Variants in TLR3 observed in about 807,000 individuals in gnomAD.
The protein encoded by TLR3 is toll-like receptor 3.
In TLR3, 43 loss-of-function variants were observed where a neutral mutation model predicts 66.4. The observed-to-expected ratio is 0.65, with a 90% CI of 0.51 to 0.83. TLR3 has a LOEUF of 0.83. TLR3 is among the 40% of genes least tolerant of loss of function. The probability of loss-of-function intolerance (pLI) is 0.00; values close to 1 mark genes in which losing one functional copy is unlikely to be tolerated. For synonymous variants in TLR3, 397 were observed against 397.2 expected, an observed-to-expected ratio of 1.00 and a Z score of 0.01; for missense variants, 982 against 1,044.6, an observed-to-expected ratio of 0.94 and a Z score of 0.83.
At position 186,083,046 on chromosome 4, in the gene TLR3, G is replaced by A; in HGVS notation, c.1360G>A (p.Gly454Ser). The A allele has an allele frequency of 6.2e-7, 1 of 1,614,126 alleles. No homozygotes were observed. Among genetic ancestry groups the A allele is most frequent in the South Asian group, 1.1e-5 (1 of 91,070 alleles). Reference protein sequence around the residue: ...GQELTGQEWRGLENIFEIYLS... With the variant: ...GQELTGQEWRSLENIFEIYLS... ...AGAACTCACAGGCCAGGAATGGAGA[G>A]GTCTAGAAAATATTTTCGAAATCTA... Residue 454 changes from glycine (G) to serine (S), a missense_variant, in exon 4 of 5, where the codon GGT becomes AGT. This residue lies in a region of TLR3 where 666 missense variants were observed against 709.0 expected (regional missense o/e 0.94). Transcript: ENST00000296795. The surrounding 1 kb of genome is among the most constrained non-coding windows in gnomAD (Gnocchi z 4.0).
At position 186,084,710 on chromosome 4, in the gene TLR3, T is replaced by G; in HGVS notation, c.2552T>G (p.Phe851Cys). Reference protein sequence around the residue: ...EQNLDSIILVFLEEIPDYKLN... With the variant: ...EQNLDSIILVCLEEIPDYKLN... ...AATCTGGATTCCATTATATTGGTTT[T>G]CCTTGAGGAGATTCCAGATTATAAA... Residue 851 changes from phenylalanine to cysteine, a missense_variant, in exon 5 of 5, where the codon TTC becomes TGC. By Grantham distance (205) the Phe-to-Cys change is radical. Around this residue, in one of 3 missense-constraint regions of TLR3, gnomAD observed 666 missense variants for 709.0 expected, o/e 0.94. Coordinates refer to ENST00000296795, the MANE Select transcript of TLR3 (RefSeq NM_003265.3). 6.2e-7 allele frequency: 1 copy of G among 1,614,096 alleles called. No individual in the cohort carries two copies. The highest frequency in any genetic ancestry group is 8.5e-7 in the Non-Finnish European group (1 of 1,179,982).
intron 1 of TLR3, among the ~76,000 whole-genome samples, chr4:186,071,371 G>C (rs924113005): frequency 9.2e-5 from 14 of 152,216 alleles, no homozygotes; most frequent in African/African-American, 3.4e-4. Flanking sequence ...CCTAAGCAAG[G>C]AGAATGTATT....
At chr4:186,072,952 AT>A (rs1294913915) in intron 1 of TLR3, among the ~76,000 whole-genome samples, 1 of 152,246 alleles carries the variant, frequency 6.6e-6, no homozygotes, top group African/African-American at 2.4e-5. Context: ...ATAATTAATA[AT>A]AAATAATACA....
intron 1 of TLR3, among the ~76,000 whole-genome samples, chr4:186,071,715 A>G (rs1409525911): frequency 6.6e-6 from 1 of 152,216 alleles, no homozygotes; most frequent in Non-Finnish European, 1.5e-5. Context: ...TGAGAACTAA[A>G]TTAGAATATT....
Position 186,083,002 on chromosome 4 carries a change from G to C in TLR3, c.1316G>C (p.Gly439Ala). 6.2e-7 allele frequency: 1 copy of C among 1,614,156 alleles called. No homozygotes were observed. The highest frequency in any genetic ancestry group is 1.1e-5 in the South Asian group (1 of 91,076). Residue 439 changes from glycine (G) to alanine (A), a missense_variant, in exon 4 of 5, where the codon GGC becomes GCC. Gly to Ala is a moderately conservative substitution (Grantham distance 60). Around this residue, in one of 3 missense-constraint regions of TLR3, gnomAD observed 666 missense variants for 709.0 expected, o/e 0.94. Coordinates refer to ENST00000296795, the MANE Select transcript of TLR3 (RefSeq NM_003265.3). This position sits in a 1 kb window ranked among gnomAD's most constrained non-coding sequence, Gnocchi z 4.0. ...WLGHLEVLDL[G>A]LNEIGQELTG... ...GGCCACCTAGAAGTACTTGACCTGG[G>C]CCTTAATGAAATTGGGCAAGAACTC...
At chr4:186,075,835 A>G (rs918240614) in intron 1 of TLR3, among the ~76,000 whole-genome samples, 2 of 152,122 alleles carry the variant, frequency 1.3e-5, no homozygotes, top group African/African-American at 4.8e-5. Flanking sequence ...ATGTGAAGAA[A>G]AATGTATTTA....
rs1449606841 is a variant in TLR3, at chr4:186,082,998, C to T, written c.1312C>T (p.Leu438=). 2 of 1,613,998 alleles carry T rather than the reference C, an allele frequency of 1.2e-6. No homozygotes were observed. The highest frequency in any genetic ancestry group is 1.7e-6 in the Non-Finnish European group (2 of 1,180,036). The change falls in exon 4 of 5, where the codon CTG becomes TTG. Residue 438 remains leucine (L), a synonymous_variant. Transcript: ENST00000296795. Reference sequence around the variant, plus strand: ...GTTGGGCCACCTAGAAGTACTTGACCTGGGCCTTAATGAAATTGGGCAAGA... The same window carrying T: ...GTTGGGCCACCTAGAAGTACTTGACTTGGGCCTTAATGAAATTGGGCAAGA... ...SWLGHLEVLD[L]GLNEIGQELT... is the part of the protein sequence containing the mutation.
Position 186,083,186 on chromosome 4 carries a change from A to T in TLR3, c.1500A>T (p.Ser500=). 6.2e-7 allele frequency: 1 copy of T among 1,614,170 alleles called. No individual in the cohort carries two copies. The highest frequency in any genetic ancestry group is 8.5e-7 in the Non-Finnish European group (1 of 1,180,030). Reference sequence around the variant, plus strand: ...TTAAAAATGTGGATAGCTCTCCTTCACCATTCCAGCCTCTTCGTAACTTGA... The same window carrying T: ...TTAAAAATGTGGATAGCTCTCCTTCTCCATTCCAGCCTCTTCGTAACTTGA... ...VALKNVDSSP[S]PFQPLRNLTI... The change falls in exon 4 of 5, where the codon TCA becomes TCT. Residue 500 remains serine (S), a synonymous_variant. Coordinates refer to ENST00000296795, the MANE Select transcript of TLR3 (RefSeq NM_003265.3). The surrounding 1 kb of genome is among the most constrained non-coding windows in gnomAD (Gnocchi z 4.0).
intron 1 of TLR3, among the ~76,000 whole-genome samples, chr4:186,070,215 T>C (rs2099301202): frequency 6.6e-6 from 1 of 152,182 alleles, no homozygotes; most frequent in Non-Finnish European, 1.5e-5. Context: ...TTTAACTGCA[T>C]TTTTGCTTGT....
intron 1 of TLR3, among the ~76,000 whole-genome samples, chr4:186,075,596 C>T (rs2099302317): frequency 6.6e-6 from 1 of 152,008 alleles, no homozygotes; most frequent in Non-Finnish European, 1.5e-5. Flanking sequence ...TACCACTGTA[C>T]TCCAGCCTGG....
At chr4:186,082,183 C>G in intron 3 of TLR3, 137 bp from the exon 4 acceptor site, 1 of 793,730 alleles carries the variant, frequency 1.3e-6, no homozygotes, top group South Asian at 1.8e-5. Flanking sequence ...TGAGATTGCA[C>G]TGCTGTACTC....
In TLR3 at chr4:186,086,633, T is replaced by C. The variant is rs1269996146; in HGVS notation, c.*1760T>C. The C allele has an allele frequency of 6.6e-6, 1 of 152,262 alleles. No individual in the cohort carries two copies. Among genetic ancestry groups the C allele is most frequent in the Non-Finnish European group, 1.5e-5 (1 of 68,050 alleles). The allele number at this position is 152,262 out of a possible 1,614,324, so 9.4% of individuals were successfully genotyped here. On this transcript the variant is annotated 3_prime_UTR_variant, in exon 5 of 5. Coordinates refer to ENST00000296795, the MANE Select transcript of TLR3 (RefSeq NM_003265.3). ...ATTATAAAATAAAAATCACAACTTC[T>C]GCTTTTCTTATATGCTTTGTGTGTT...
rs755438217 is a variant in TLR3, at chr4:186,082,459, G to T, written c.773G>T (p.Ser258Ile). ...ATTCGGAATCTGTCTCTGAGTAACA[G>T]CCAGCTGTCCACCACCAGCAATACA... ...TSIRNLSLSN[S>I]QLSTTSNTTF... The change falls in exon 4 of 5, where the codon AGC becomes ATC. Residue 258 changes from serine to isoleucine, a missense_variant. Coordinates refer to ENST00000296795, the MANE Select transcript of TLR3 (RefSeq NM_003265.3). The T allele has an allele frequency of 6.2e-7, 1 of 1,614,132 alleles. No homozygotes were observed. Among genetic ancestry groups the T allele is most frequent in the African/African-American group, 1.3e-5 (1 of 75,024 alleles).
chr4:186,073,122 G>A (rs2099301789), intron 1 of TLR3, among the ~76,000 whole-genome samples: 1 of 152,162 alleles, frequency 6.6e-6, no homozygotes, highest in Non-Finnish European at 1.5e-5. Context: ...TATTTCAGTG[G>A]AAGAGAGTAG....
At position 186,087,161 on chromosome 4, in the gene TLR3, A is replaced by G. The variant is rs1414465828; in HGVS notation, c.*2288A>G. 1 of 152,146 alleles carries G rather than the reference A, an allele frequency of 6.6e-6. No individual in the cohort carries two copies. Among genetic ancestry groups the G allele is most frequent in the African/African-American group, 2.4e-5 (1 of 41,422 alleles). 9.4% of individuals were successfully genotyped at this position (152,146 alleles called of 1,614,324 possible). A position where few individuals can be genotyped will look rare whatever the true frequency, so the allele number is the denominator to read the frequency against. On this transcript the variant is annotated 3_prime_UTR_variant, in exon 5 of 5. Transcript: ENST00000296795. ...TTTTTCCATTTGATTGAGTTCTAGG[A>G]AGCCTTTAGTTTCCCTGCCTGCAGA...
intron 1 of TLR3, among the ~76,000 whole-genome samples, chr4:186,075,894 G>A (rs1046728508): frequency 6.6e-6 from 1 of 152,118 alleles, no homozygotes. Flanking sequence ...GGTGGCTCAC[G>A]CCTGTAATCC....
intron 1 of TLR3, among the ~76,000 whole-genome samples, chr4:186,075,774 T>C (rs970427824): frequency 6.6e-6 from 1 of 152,192 alleles, no homozygotes; most frequent in African/African-American, 2.4e-5. Flanking sequence ...ATCTTGACAA[T>C]GTCAAGCAAT....
intron 3 of TLR3, chr4:186,081,979 C>A (rs533974053): frequency 2.0e-4 from 61 of 307,640 alleles, no homozygotes; most frequent in African/African-American, 1.3e-3. Flanking sequence ...ATAATCCCAG[C>A]ACTTTGGGAG....
At position 186,080,217 on chromosome 4, in the gene TLR3, C is replaced by T. The variant is rs148219807; in HGVS notation, c.633+1186C>T. ...TTTTTTCAGACATAAAAATAAATGG[C>T]GTACAAATTTATCCTAAGATATTAA... On this transcript the variant is annotated intron_variant, in intron 3 of 4. Coordinates refer to ENST00000296795, the MANE Select transcript of TLR3 (RefSeq NM_003265.3). Among the ~76,000 whole-genome samples the T allele has an allele frequency of 7.2e-5, 11 of 151,778 alleles. No individual in the cohort carries two copies. The South Asian group carries it at 1.0e-3, about 14-fold the overall frequency.
Sources: gnomAD v4.1 joint callset for allele counts (sites outside exome capture counted in the v4.1 genomes callset) on GRCh38, gnomAD v4.1.1 for gene constraint, gnomAD v4.1.1 regional missense constraint, Gnocchi (gnomAD v3.1) non-coding constraint, MANE v1.5 for transcripts, NCBI Gene and HGNC (gene_info 2026-07-23, HGNC 2026-07-21) for gene names.